JHY: variants seen among roughly 807,000 people sequenced by gnomAD.
JHY encodes jhy protein homolog.
A neutral mutation model predicts 78.0 loss-of-function variants in JHY; 69 were observed. The ratio of observed to expected loss-of-function variants is 0.88; its 90% CI spans 0.73 to 1.08. The LOEUF is 1.08. Ranked by LOEUF, JHY falls within the 50% of genes least tolerant of loss-of-function variation. The pLI is 0.00. For synonymous variants in JHY, 368 were observed against 342.6 expected, an observed-to-expected ratio of 1.07 and a Z score of -0.82; for missense variants, 944 against 927.8, an observed-to-expected ratio of 1.02 and a Z score of -0.23.
chr11:122,904,387 A>G lies in JHY; in HGVS notation c.807A>G (p.Lys269=). ...TCACTTTGGGATTACCCACCCCGAA[A>G]ACGGACTCTTATCTTCAACTTCACA... is the stretch of plus-strand genomic sequence containing the variant. ...NKLTLGLPTP[K]TDSYLQLHNK... Residue 269 remains lysine, a synonymous_variant, in exon 3 of 9, where the codon AAA becomes AAG. Coordinates refer to ENST00000227349, the MANE Select transcript of JHY (RefSeq NM_024806.4). 6.2e-7 allele frequency: 1 copy of G among 1,614,166 alleles called. No homozygotes were observed.
chr11:122,899,003 T>C (rs3107624), intron 2 of JHY, among the ~76,000 whole-genome samples: 145,404 of 152,088 alleles, frequency 0.96, 69,552 homozygotes, highest in Middle Eastern at 0.99. Context: ...TCAGCCTTAG[T>C]TCTGAGTCAC....
intron 3 of JHY, among the ~76,000 whole-genome samples, chr11:122,919,691 T>C (rs900870114): frequency 6.6e-6 from 1 of 151,884 alleles, no homozygotes; most frequent in Non-Finnish European, 1.5e-5. Context: ...TATTCAAAAG[T>C]TTCGTGGCCA....
intron 3 of JHY, among the ~76,000 whole-genome samples, chr11:122,920,773 CTCA>C (rs1172541962): frequency 6.6e-6 from 1 of 152,176 alleles, no homozygotes; most frequent in Non-Finnish European, 1.5e-5. Flanking sequence ...GTGTAAACAC[CTCA>C]TCAAGATTGC....
rs567894943 is a variant in JHY, at chr11:122,922,444, A to G, written c.865-2453A>G. 2.2e-3 allele frequency among the ~76,000 whole-genome samples: 341 copies of G among 152,296 alleles called. 1 individual carries two copies. The highest frequency in any genetic ancestry group is 7.8e-3 in the African/African-American group (325 of 41,548). On this transcript the variant is annotated intron_variant, in intron 3 of 8. Coordinates refer to ENST00000227349, the MANE Select transcript of JHY (RefSeq NM_024806.4). Reference sequence around the variant, plus strand: ...AATGAGGGTATCTTCATTGTCAAACATTTACTTATCACTTAATATTTAACA... The same window carrying G: ...AATGAGGGTATCTTCATTGTCAAACGTTTACTTATCACTTAATATTTAACA...
intron 3 of JHY, chr11:122,905,174 C>A (rs779830806): frequency 5.0e-6 from 8 of 1,612,838 alleles, no homozygotes; most frequent in South Asian, 1.1e-5. Flanking sequence ...CTCATCAGGT[C>A]ATTTTGAGAG....
Position 122,963,716 on chromosome 11 carries a change from A to G in JHY, c.*4271A>G, listed in dbSNP as rs1010758246. 1.3e-5 allele frequency among the ~76,000 whole-genome samples: 2 copies of G among 152,184 alleles called. No individual in the cohort carries two copies. Among genetic ancestry groups the G allele is most frequent in the African/African-American group, 4.8e-5 (2 of 41,460 alleles). On this transcript the variant is annotated 3_prime_UTR_variant, in exon 9 of 9. Coordinates refer to ENST00000227349, the MANE Select transcript of JHY (RefSeq NM_024806.4). Reference sequence around the variant, plus strand: ...ATTCAAAAGCAAAAAATAATCTGCCAATTAGAAAACAAAAAACTTCAAACT... The same window carrying G: ...ATTCAAAAGCAAAAAATAATCTGCCGATTAGAAAACAAAAAACTTCAAACT...
At chr11:122,905,153 G>A in intron 3 of JHY, 1 of 1,580,380 alleles carries the variant, frequency 6.3e-7, no homozygotes, top group Non-Finnish European at 8.7e-7. Context: ...AGTAATAAAT[G>A]CCTTCTCTTC....
chr11:122,914,812 CTA>C (rs1447472852), intron 3 of JHY, among the ~76,000 whole-genome samples: 1 of 152,122 alleles, frequency 6.6e-6, no homozygotes, highest in Non-Finnish European at 1.5e-5. Context: ...AGTAGGAACT[CTA>C]TAGATGTTCA....
Position 122,882,901 on chromosome 11 carries a change from G to GGGCGGCGGC in JHY, c.-150_-142dup, listed in dbSNP as rs955093480. The stretch of plus-strand genomic sequence containing the variant: ...GCAGCGCCGGGGCGGGCGGGGGCCC[G>GGGCGGCGGC]GGCGGCGGCGGCGGCGGCGCGGGAG... On this transcript the variant is annotated 5_prime_UTR_variant, in exon 1 of 9. Coordinates refer to ENST00000227349, the MANE Select transcript of JHY (RefSeq NM_024806.4). 6.6e-6 allele frequency: 1 copy of GGGCGGCGGC among 151,804 alleles called. No individual in the cohort carries two copies. The highest frequency in any genetic ancestry group is 1.5e-5 in the Non-Finnish European group (1 of 67,842). The allele number at this position is 151,804 out of a possible 1,614,324, so 9.4% of individuals were successfully genotyped here.
At chr11:122,889,050 G>C (rs984021555) in intron 2 of JHY, among the ~76,000 whole-genome samples, 3 of 152,124 alleles carry the variant, frequency 2.0e-5, no homozygotes, top group Non-Finnish European at 2.9e-5. Flanking sequence ...GTTCATGGGC[G>C]ACTGGACATC....
intron 5 of JHY, among the ~76,000 whole-genome samples, chr11:122,939,921 A>G (rs1402758777): frequency 6.6e-6 from 1 of 151,562 alleles, no homozygotes; most frequent in Non-Finnish European, 1.5e-5. Context: ...GTATCAGTAC[A>G]TTTTTAAATT....
chr11:122,905,071 T>C (rs1862956908), intron 3 of JHY: 1 of 915,416 alleles, frequency 1.1e-6, no homozygotes, highest in African/African-American at 1.7e-5. Flanking sequence ...GAAAATCACA[T>C]CATTTGTTAT....
rs147130482 is a variant in JHY, at chr11:122,913,856, A to T, written c.864+9412A>T. On this transcript the variant is annotated intron_variant, in intron 3 of 8. Coordinates refer to ENST00000227349, the MANE Select transcript of JHY (RefSeq NM_024806.4). ...CAGATCCTGGCATACAGCAAGCACT[A>T]GCTAAATATTTGATGAAGAAATGTA... is the stretch of plus-strand genomic sequence containing the variant. 6.5e-3 allele frequency among the ~76,000 whole-genome samples: 988 copies of T among 152,332 alleles called. 11 individuals carry two copies. The highest frequency in any genetic ancestry group is 0.023 in the African/African-American group (953 of 41,566).
chr11:122,934,541 G>T lies in JHY; in HGVS notation c.1100G>T (p.Arg367Leu), dbSNP rs150680420. The change falls in exon 5 of 9, where the codon CGA becomes CTA. Residue 367 changes from arginine (R) to leucine (L), a missense_variant. Coordinates refer to ENST00000227349, the MANE Select transcript of JHY (RefSeq NM_024806.4). ...AGAAGACCAGCCAAGCTCAAGATTCGAAAGCAGTGTAAACACCAGAATGGC... is the reference window on the plus strand; with the variant it reads ...AGAAGACCAGCCAAGCTCAAGATTCTAAAGCAGTGTAAACACCAGAATGGC... ...PSRRPAKLKI[R>L]KQCKHQNGLK... The T allele has an allele frequency of 3.7e-6, 6 of 1,613,882 alleles. No individual in the cohort carries two copies. The highest frequency in any genetic ancestry group is 5.1e-6 in the Non-Finnish European group (6 of 1,180,014).
rs1864351211 is a variant in JHY, at chr11:122,963,372, A to G, written c.*3927A>G. ...GTACATAAGACTCTAGAACATTAAAATTCTTTATATAGTGCCATGTGGCAT... is the reference window on the plus strand; with the variant it reads ...GTACATAAGACTCTAGAACATTAAAGTTCTTTATATAGTGCCATGTGGCAT... On this transcript the variant is annotated 3_prime_UTR_variant, in exon 9 of 9. Transcript: ENST00000227349. Among the ~76,000 whole-genome samples, 1 of 152,234 alleles carries G rather than the reference A, an allele frequency of 6.6e-6. No homozygotes were observed. Among genetic ancestry groups the G allele is most frequent in the Non-Finnish European group, 1.5e-5 (1 of 68,032 alleles).
chr11:122,884,566 G>T (rs1473219234), intron 1 of JHY, among the ~76,000 whole-genome samples: 1 of 152,082 alleles, frequency 6.6e-6, no homozygotes, highest in African/African-American at 2.4e-5. Flanking sequence ...TGAACTCAAA[G>T]CACCCTTTCC....
At chr11:122,885,685 A>G (rs1862479266) in intron 1 of JHY, 76 bp from the exon 2 acceptor site, 6 of 596,558 alleles carry the variant, frequency 1.0e-5, no homozygotes. Flanking sequence ...TCTCTTACTC[A>G]TTTAAATATT....
intron 2 of JHY, among the ~76,000 whole-genome samples, chr11:122,891,433 T>G (rs1263503192): frequency 6.6e-6 from 1 of 152,154 alleles, no homozygotes; most frequent in Non-Finnish European, 1.5e-5. Context: ...AGAGGGGATC[T>G]TCACGTGATA....
intron 2 of JHY, among the ~76,000 whole-genome samples, chr11:122,897,416 G>A (rs1365867189): frequency 2.0e-5 from 3 of 152,048 alleles, no homozygotes; most frequent in African/African-American, 7.2e-5. Context: ...TTTTTGTAGA[G>A]ACGAGGGGTT....
Sources: allele counts gnomAD v4.1 joint callset (sites outside exome capture counted in the v4.1 genomes callset), GRCh38; gene constraint gnomAD v4.1.1; transcripts MANE v1.5; gene names NCBI Gene and HGNC (gene_info 2026-07-23, HGNC 2026-07-21).